The following ADAMTS2 variants were observed in gnomAD, a reference collection of about 807,000 sequenced individuals.
ADAMTS2 encodes ADAM metallopeptidase with thrombospondin type 1 motif 2.
Under a neutral mutation model 123.0 loss-of-function variants are expected in ADAMTS2, and 50 were observed. The observed-to-expected ratio is 0.41, with a 90% CI of 0.32 to 0.51. ADAMTS2 has a LOEUF of 0.51. Among genes scored for constraint, ADAMTS2 ranks in the 20% least tolerant of loss-of-function variants. ADAMTS2 has a pLI of 0.35. For synonymous variants in ADAMTS2, 678 were observed against 695.4 expected (o/e 0.98, Z 0.39); for missense variants, 1,494 against 1,705.2 (o/e 0.88, Z 2.18).
Position 179,292,919 on chromosome 5 carries a change from T to C in ADAMTS2, c.535-19855A>G, listed in dbSNP as rs558617841. 4.1e-4 allele frequency among the ~76,000 whole-genome samples: 62 copies of C among 152,272 alleles called. 1 individual carries two copies. The highest frequency in any genetic ancestry group is 1.3e-3 in the African/African-American group (56 of 41,566). ...TTGAATTGTCTTCTGCTTAAGTGAGTTGAGGTCAGTTTTGCCATCCAAAGA... is the reference window on the plus strand; with the variant it reads ...TTGAATTGTCTTCTGCTTAAGTGAGCTGAGGTCAGTTTTGCCATCCAAAGA... On this transcript the variant is annotated intron_variant, in intron 2 of 21. Coordinates refer to ENST00000251582, the MANE Select transcript of ADAMTS2 (RefSeq NM_014244.5).
At chr5:179,138,931 G>A (rs1763113194) in intron 11 of ADAMTS2, among the ~76,000 whole-genome samples, 1 of 152,260 alleles carries the variant, frequency 6.6e-6, no homozygotes, top group Non-Finnish European at 1.5e-5. Context: ...GCTGGTAACT[G>A]GGCCCGGCTG....
chr5:179,145,159 T>C (rs1763230809), intron 10 of ADAMTS2, among the ~76,000 whole-genome samples: 1 of 152,204 alleles, frequency 6.6e-6, no homozygotes, highest in African/African-American at 2.4e-5. Flanking sequence ...CATAGGTCAC[T>C]AGGGAAATAC....
chr5:179,308,499 C>A lies in ADAMTS2; in HGVS notation c.534+35268G>T, dbSNP rs1192114785. Among the ~76,000 whole-genome samples the A allele has an allele frequency of 6.6e-6, 1 of 152,176 alleles. No homozygotes were observed. Among genetic ancestry groups the A allele is most frequent in the East Asian group, 1.9e-4 (1 of 5,190 alleles). ...AAGGGTGCAGGGGCACCAGAGCCCA[C>A]AGGAGCTCCTGCAATGCGATGACCA... On this transcript the variant is annotated intron_variant, in intron 2 of 21. Coordinates refer to ENST00000251582, the MANE Select transcript of ADAMTS2 (RefSeq NM_014244.5). This position sits in a 1 kb window ranked among gnomAD's most constrained non-coding sequence, Gnocchi z 6.6.
chr5:179,137,683 T>C, intron 12 of ADAMTS2, 86 bp downstream of exon 12: 1 of 1,508,912 alleles, frequency 6.6e-7, no homozygotes, highest in East Asian at 2.5e-5. Flanking sequence ...CCTTGCCCCA[T>C]GCAGGATCAG....
chr5:179,230,251 C>T (rs946214412), intron 3 of ADAMTS2, among the ~76,000 whole-genome samples: 7 of 152,186 alleles, frequency 4.6e-5, no homozygotes, highest in Admixed American at 2.6e-4. Flanking sequence ...GGAGGGGATG[C>T]GCAGAGGCAG....
rs536917532 is a variant in ADAMTS2 at position 179,273,128 on chromosome 5, G to C, written c.535-64C>G. 1.4e-4 allele frequency: 225 copies of C among 1,610,130 alleles called. 4 individuals carry two copies. In the East Asian group the frequency reaches 4.6e-3, roughly 33 times the overall value. On this transcript the variant is annotated intron_variant, in intron 2 of 21. Transcript: ENST00000251582. ...CAAAAGACCAAGGAAGGGGAACAGCGAGGAGACCCCCTCAGGGAGTACCTC... is the reference window on the plus strand; with the variant it reads ...CAAAAGACCAAGGAAGGGGAACAGCCAGGAGACCCCCTCAGGGAGTACCTC...
At chr5:179,344,237 C>A in intron 1 of ADAMTS2, 76 bp from the exon 2 acceptor site, 2 of 1,486,774 alleles carry the variant, frequency 1.3e-6, no homozygotes, top group Non-Finnish European at 1.8e-6. Flanking sequence ...GCAAGCCACG[C>A]CCCCCCAGAC....
At chr5:179,153,270 C>T (rs1472326273) in intron 9 of ADAMTS2, among the ~76,000 whole-genome samples, 54 of 152,164 alleles carry the variant, frequency 3.5e-4, no homozygotes, top group South Asian at 2.1e-4. Context: ...TCCTGTCCCC[C>T]GTGTGCTTCC....
At chr5:179,289,743 G>A (rs564588429) in intron 2 of ADAMTS2, among the ~76,000 whole-genome samples, 1 of 152,308 alleles carries the variant, frequency 6.6e-6, no homozygotes, top group Admixed American at 6.5e-5. Context: ...CTGACAATAG[G>A]AGACAACTGG....
intron 3 of ADAMTS2, among the ~76,000 whole-genome samples, chr5:179,232,365 T>C (rs545308125): frequency 2.0e-5 from 3 of 152,228 alleles, no homozygotes; most frequent in Non-Finnish European, 4.4e-5. Context: ...TCGTCTATAG[T>C]TGCCCACTGA....
At chr5:179,154,315 T>C in intron 7 of ADAMTS2, 123 bp from the exon 8 acceptor site, 1 of 1,389,514 alleles carries the variant, frequency 7.2e-7, no homozygotes, top group African/African-American at 1.4e-5. Flanking sequence ...TGGCCCACTC[T>C]GAGCCGGGTG....
At chr5:179,329,118 G>A (rs889763186) in intron 2 of ADAMTS2, among the ~76,000 whole-genome samples, 4 of 152,188 alleles carry the variant, frequency 2.6e-5, no homozygotes, top group African/African-American at 7.2e-5. Context: ...ACGAGGTCAG[G>A]AGATGGAGAC....
At chr5:179,277,525 A>C (rs71596413) in intron 2 of ADAMTS2, among the ~76,000 whole-genome samples, 2 of 21,150 alleles carry the variant, frequency 9.5e-5, no homozygotes, top group Non-Finnish European at 1.8e-4. Context: ...CAGAGACCAA[A>C]GGCTGACCCC....
intron 3 of ADAMTS2, among the ~76,000 whole-genome samples, chr5:179,241,861 G>C (rs1022059400): frequency 6.6e-6 from 1 of 152,150 alleles, no homozygotes; most frequent in African/African-American, 2.4e-5. Context: ...GGCAAGTGGG[G>C]GACCATCTTG....
At chr5:179,187,346 C>T (rs1284015547) in intron 4 of ADAMTS2, among the ~76,000 whole-genome samples, 1 of 152,206 alleles carries the variant, frequency 6.6e-6, no homozygotes, top group East Asian at 1.9e-4. Context: ...GGCCCTGCTC[C>T]CTGTGCTCCA....
intron 3 of ADAMTS2, among the ~76,000 whole-genome samples, chr5:179,254,551 G>GAAGC (rs1339753876): frequency 6.6e-6 from 1 of 152,178 alleles, no homozygotes; most frequent in Non-Finnish European, 1.5e-5. Context: ...AAGGTCAGAG[G>GAAGC]AAGCAACTCA....
chr5:179,153,805 T>G (rs1289670207), intron 8 of ADAMTS2, among the ~76,000 whole-genome samples, 182 bp from the exon 9 acceptor site: 2 of 152,140 alleles, frequency 1.3e-5, no homozygotes, highest in African/African-American at 4.8e-5. Flanking sequence ...CACCAGGACC[T>G]GGCTTGAGCG....
At chr5:179,306,455 G>A (rs975999756) in intron 2 of ADAMTS2, among the ~76,000 whole-genome samples, 4 of 152,140 alleles carry the variant, frequency 2.6e-5, no homozygotes, top group African/African-American at 2.4e-5. Flanking sequence ...AGAAAGAAAC[G>A]TGCTCAACCT....
intron 2 of ADAMTS2, among the ~76,000 whole-genome samples, chr5:179,327,956 T>C (rs576571656): frequency 1.3e-4 from 20 of 152,318 alleles, no homozygotes; most frequent in African/African-American, 4.8e-4. Context: ...AAAGTCTAGA[T>C]GCAAAATAAA....
Sources: allele counts gnomAD v4.1 joint callset (sites outside exome capture counted in the v4.1 genomes callset), GRCh38; gene constraint gnomAD v4.1.1; non-coding constraint Gnocchi (gnomAD v3.1); transcripts MANE v1.5; gene names NCBI Gene and HGNC (gene_info 2026-07-23, HGNC 2026-07-21).